The following BCL11B variants were observed in gnomAD, a reference collection of about 807,000 sequenced individuals.
BCL11B encodes BCL11 transcription factor B.
A neutral mutation model predicts 49.9 loss-of-function variants in BCL11B; 8 were observed. That is an observed-to-expected ratio of 0.16 (90% CI 0.09 to 0.29). The LOEUF (loss-of-function observed/expected upper bound fraction) is 0.29, where lower values mean the gene tolerates loss of function less well. Among genes scored for constraint, BCL11B ranks in the 10% least tolerant of loss-of-function variants. The pLI, the probability that BCL11B is intolerant of heterozygous loss-of-function variation, is 1.00. For missense variants in BCL11B, 1,006 were observed against 1,351.0 expected (o/e 0.74, Z 4.00); for synonymous variants, 739 against 637.4 (o/e 1.16, Z -2.40).
At chr14:99,177,531 A>G (rs888957660) in intron 3 of BCL11B, among the ~76,000 whole-genome samples, 1 of 150,156 alleles carries the variant, frequency 6.7e-6, no homozygotes, top group Non-Finnish European at 1.5e-5. Flanking sequence ...CCCGTCTTGC[A>G]GCATTGCACT....
At chr14:99,198,975 C>G (rs1887261918) in intron 3 of BCL11B, among the ~76,000 whole-genome samples, 1 of 152,146 alleles carries the variant, frequency 6.6e-6, no homozygotes, top group Non-Finnish European at 1.5e-5. Context: ...CCGGACACCA[C>G]TTGCTCACGG....
At chr14:99,182,560 C>G (rs761053499) in intron 3 of BCL11B, among the ~76,000 whole-genome samples, 1 of 152,188 alleles carries the variant, frequency 6.6e-6, no homozygotes, top group Non-Finnish European at 1.5e-5. Context: ...TGCTGATTAT[C>G]TCATGGCAAA....
rs1263816422 is a variant in BCL11B, at chr14:99,172,664, A to G, written c.*1487T>C. ...CCACGCTTAGCAATACTGACACTCAATCTCAGCTGTCCCTTACAGTTTAAC... is the reference window on the plus strand; with the variant it reads ...CCACGCTTAGCAATACTGACACTCAGTCTCAGCTGTCCCTTACAGTTTAAC... On this transcript the variant is annotated 3_prime_UTR_variant, in exon 4 of 4. Coordinates refer to ENST00000357195, the MANE Select transcript of BCL11B (RefSeq NM_138576.4). 9 of 215,260 alleles carry G rather than the reference A, an allele frequency of 4.2e-5. No individual in the cohort carries two copies. In the Admixed American group the frequency reaches 5.2e-4, roughly 13 times the overall value. The allele number at this position is 215,260 out of a possible 1,614,324, so 13.3% of individuals were successfully genotyped here.
chr14:99,175,743 G>T lies in BCL11B; in HGVS notation c.1093C>A (p.Arg365=). The part of the protein sequence containing the change: ...AIDSPAMDFS[R]RLRELAGNSS... Reference sequence around the variant, plus strand: ...TTGCCCGCCAGCTCGCGGAGCCGCCGCGAGAAGTCCATGGCGGGCGAGTCG... The same window carrying T: ...TTGCCCGCCAGCTCGCGGAGCCGCCTCGAGAAGTCCATGGCGGGCGAGTCG... Residue 365 remains arginine (R), a synonymous_variant, in exon 4 of 4, where the codon CGG becomes AGG. Transcript: ENST00000357195. 6.8e-7 allele frequency: 1 copy of T among 1,481,392 alleles called. No homozygotes were observed. Among genetic ancestry groups the T allele is most frequent in the Non-Finnish European group, 8.8e-7 (1 of 1,131,226 alleles). 91.8% of individuals were successfully genotyped at this position (1,481,392 alleles called of 1,614,324 possible).
At chr14:99,204,961 G>A (rs1887491763) in intron 3 of BCL11B, among the ~76,000 whole-genome samples, 1 of 152,300 alleles carries the variant, frequency 6.6e-6, no homozygotes, top group Non-Finnish European at 1.5e-5. Flanking sequence ...CCCACTTCAT[G>A]TGACAACACC....
chr14:99,240,078 A>C (rs1467987717), intron 2 of BCL11B, among the ~76,000 whole-genome samples: 3 of 152,060 alleles, frequency 2.0e-5, no homozygotes, highest in Non-Finnish European at 4.4e-5. Flanking sequence ...AGACCATAAA[A>C]CTCTACCTGA....
chr14:99,271,529 AC>A lies in BCL11B; in HGVS notation c.-312del, dbSNP rs1889690013. The A allele has an allele frequency of 4.7e-6, 1 of 213,482 alleles. No individual in the cohort carries two copies. The highest frequency in any genetic ancestry group is 9.5e-6 in the Non-Finnish European group (1 of 104,876). 13.2% of individuals were successfully genotyped at this position (213,482 alleles called of 1,614,324 possible). On this transcript the variant is annotated 5_prime_UTR_variant, in exon 1 of 4. Coordinates refer to ENST00000357195, the MANE Select transcript of BCL11B (RefSeq NM_138576.4). ...AGAAAAAGAGGCAAAAAAAAAAAAA[AC>A]TGCTGTTGCTTTCCGCGGACTGGCT...
chr14:99,209,618 G>A (rs998438647), intron 3 of BCL11B, among the ~76,000 whole-genome samples: 2 of 152,132 alleles, frequency 1.3e-5, no homozygotes, highest in Non-Finnish European at 1.5e-5. Context: ...CCCCGGCAGG[G>A]GAGAACCTCA....
intron 3 of BCL11B, among the ~76,000 whole-genome samples, chr14:99,180,691 C>T (rs116802577): frequency 0.011 from 1,709 of 152,254 alleles, 36 homozygotes; most frequent in African/African-American, 0.039. Context: ...GCTATGCAGG[C>T]GTTACGATGG....
chr14:99,199,640 C>CTCTGTGTGTGTGTG (rs1168964373), intron 3 of BCL11B, among the ~76,000 whole-genome samples: 7 of 109,590 alleles, frequency 6.4e-5, no homozygotes, highest in East Asian at 2.3e-4. Context: ...TGGCTAAATG[C>CTCTGTGTGTGTGTG]TGTGTGTGTG....
rs371121470 is a variant in BCL11B, at chr14:99,262,549, C to G, written c.59-4710G>C. ...TTAAAATCGTGTGCCACCAACGTCA[C>G]AACCGCCATCATGATGTGTACGCAT... On this transcript the variant is annotated intron_variant, in intron 1 of 3. Transcript: ENST00000357195. The surrounding 1 kb of genome is among the most constrained non-coding windows in gnomAD (Gnocchi z 4.2). Among the ~76,000 whole-genome samples, 1 of 152,186 alleles carries G rather than the reference C, an allele frequency of 6.6e-6. No homozygotes were observed. Among genetic ancestry groups the G allele is most frequent in the African/African-American group, 2.4e-5 (1 of 41,436 alleles).
intron 2 of BCL11B, among the ~76,000 whole-genome samples, chr14:99,244,079 TTCTCC>T: frequency 6.6e-6 from 1 of 152,158 alleles, no homozygotes; most frequent in East Asian, 1.9e-4. Flanking sequence ...GGGCTACCAG[TTCTCC>T]TCGAGGAAGA....
intron 3 of BCL11B, among the ~76,000 whole-genome samples, chr14:99,215,353 A>C (rs989332693): frequency 5.3e-5 from 8 of 152,202 alleles, no homozygotes; most frequent in East Asian, 1.9e-4. Flanking sequence ...TGTTTCGGAG[A>C]CCGCAGTCTA....
chr14:99,249,754 G>A (rs1373678798), intron 2 of BCL11B, among the ~76,000 whole-genome samples: 5 of 152,194 alleles, frequency 3.3e-5, no homozygotes, highest in Non-Finnish European at 7.4e-5. Context: ...TAAGGTCATA[G>A]GGAGGATTAC....
At position 99,241,361 on chromosome 14, in the gene BCL11B, C is replaced by G. The variant is rs1194445284; in HGVS notation, c.428-9804G>C. Among the ~76,000 whole-genome samples, 1 of 151,854 alleles carries G rather than the reference C, an allele frequency of 6.6e-6. No homozygotes were observed. Among genetic ancestry groups the G allele is most frequent in the African/African-American group, 2.4e-5 (1 of 41,298 alleles). On this transcript the variant is annotated intron_variant, in intron 2 of 3. Transcript: ENST00000357195. The surrounding 1 kb of genome is among the most constrained non-coding windows in gnomAD (Gnocchi z 4.4). ...AATCATAGTGTAGCCAGGATCCCAACGAGCTCCAATTCCAGATCGGGGCGA... is the reference window on the plus strand; with the variant it reads ...AATCATAGTGTAGCCAGGATCCCAAGGAGCTCCAATTCCAGATCGGGGCGA...
In BCL11B at chr14:99,247,624, C is replaced by T. The variant is rs1361383892; in HGVS notation, c.427+9847G>A. ...TAAAGCCACCTTCTCCACTCCTTTC[C>T]AGGATGCCTTTGGCACCTGCAGTCA... On this transcript the variant is annotated intron_variant, in intron 2 of 3. Coordinates refer to ENST00000357195, the MANE Select transcript of BCL11B (RefSeq NM_138576.4). This position sits in a 1 kb window ranked among gnomAD's most constrained non-coding sequence, Gnocchi z 4.5. Among the ~76,000 whole-genome samples, 3 of 152,202 alleles carry T rather than the reference C, an allele frequency of 2.0e-5. No homozygotes were observed. The highest frequency in any genetic ancestry group is 7.2e-5 in the African/African-American group (3 of 41,454).
intron 2 of BCL11B, among the ~76,000 whole-genome samples, chr14:99,245,707 C>G (rs1009593355): frequency 4.6e-5 from 7 of 152,122 alleles, no homozygotes; most frequent in African/African-American, 1.7e-4. Flanking sequence ...GAGGGGACCA[C>G]TTCCACATTC....
At chr14:99,186,529 T>G (rs1479982186) in intron 3 of BCL11B, among the ~76,000 whole-genome samples, 1 of 152,008 alleles carries the variant, frequency 6.6e-6, no homozygotes, top group Non-Finnish European at 1.5e-5. Flanking sequence ...CAAAAAAAAG[T>G]GCATCATGCA....
intron 1 of BCL11B, chr14:99,263,076 A>C (rs1192518536): frequency 6.6e-6 from 1 of 152,572 alleles, no homozygotes; most frequent in African/African-American, 2.4e-5. Flanking sequence ...ATTAGGACAC[A>C]AGTTGGGGGT....
Sources: allele counts gnomAD v4.1 joint callset (sites outside exome capture counted in the v4.1 genomes callset), GRCh38; gene constraint gnomAD v4.1.1; non-coding constraint Gnocchi (gnomAD v3.1); transcripts MANE v1.5; gene names NCBI Gene and HGNC (gene_info 2026-07-23, HGNC 2026-07-21).